LRCH3: variants seen among roughly 807,000 people sequenced by gnomAD.
LRCH3 encodes the protein leucine rich repeats and calponin homology domain containing 3.
LRCH3 carries 68 observed loss-of-function variants against 104.5 expected under a neutral mutation model. That is an observed-to-expected ratio of 0.65 (90% confidence interval 0.54 to 0.80). LRCH3 has a LOEUF of 0.80. Among genes scored for constraint, LRCH3 ranks in the 30% least tolerant of loss-of-function variants. The probability of loss-of-function intolerance (pLI) is 0.00; values close to 1 mark genes in which losing one functional copy is unlikely to be tolerated. For missense variants in LRCH3, 951 were observed against 953.9 expected (o/e 1.00, Z 0.04); for synonymous variants, 344 against 361.3 (o/e 0.95, Z 0.54).
At chr3:197,881,173 C>G in intron 20 of LRCH3, 1 of 1,008,618 alleles carries the variant, frequency 9.9e-7, no homozygotes, top group Non-Finnish European at 1.2e-6. Context: ...ACCGTCGTGC[C>G]TTTTCTGGTT....
At chr3:197,820,199 C>T in intron 3 of LRCH3, 126 bp from the exon 4 acceptor site, 1 of 679,586 alleles carries the variant, frequency 1.5e-6, no homozygotes, top group East Asian at 2.7e-5. Flanking sequence ...CTTTTCAGAA[C>T]CATTGAATTA....
chr3:197,861,808 A>G (rs948208990), intron 15 of LRCH3, among the ~76,000 whole-genome samples: 13 of 152,064 alleles, frequency 8.5e-5, no homozygotes, highest in African/African-American at 2.9e-4. Context: ...CAGTTTTCCA[A>G]GAGTTCCCAA....
At chr3:197,879,042 G>A (rs1374724420) in intron 20 of LRCH3, among the ~76,000 whole-genome samples, 1 of 152,134 alleles carries the variant, frequency 6.6e-6, no homozygotes, top group Non-Finnish European at 1.5e-5. Context: ...TGAAGAACAA[G>A]GCAGTTATTA....
At chr3:197,866,428 AAGC>A (rs1741491645) in intron 17 of LRCH3, among the ~76,000 whole-genome samples, 1 of 152,200 alleles carries the variant, frequency 6.6e-6, no homozygotes, top group Non-Finnish European at 1.5e-5. Context: ...TGCCACCTAA[AAGC>A]AGGTTATAGA....
intron 8 of LRCH3, among the ~76,000 whole-genome samples, chr3:197,835,251 T>C (rs567288644): frequency 5.3e-4 from 81 of 152,306 alleles, no homozygotes; most frequent in Middle Eastern, 3.4e-3. Context: ...TGGTACGGTC[T>C]TGGCTCACCG....
intron 20 of LRCH3, chr3:197,880,502 C>T (rs1713658415): frequency 6.5e-7 from 1 of 1,532,444 alleles, no homozygotes; most frequent in Non-Finnish European, 8.7e-7. Context: ...CCTGCTTACA[C>T]TTTGGACAGG....
At chr3:197,851,214 A>T (rs775193779) in intron 12 of LRCH3, among the ~76,000 whole-genome samples, 31 of 152,196 alleles carry the variant, frequency 2.0e-4, no homozygotes, top group Non-Finnish European at 3.7e-4. Flanking sequence ...TAACTTACTC[A>T]GTTTGCCTTC....
At chr3:197,880,443 C>T in intron 20 of LRCH3, 1 of 1,175,732 alleles carries the variant, frequency 8.5e-7, no homozygotes, top group East Asian at 2.5e-5. Context: ...GAATTCTATA[C>T]TCAAATCTGC....
chr3:197,847,817 T>G, intron 11 of LRCH3, 55 bp from the exon 12 acceptor site: 1 of 1,583,510 alleles, frequency 6.3e-7, no homozygotes, highest in South Asian at 1.1e-5. Context: ...TAGGGAATAT[T>G]GGTAACGTGA....
intron 14 of LRCH3, among the ~76,000 whole-genome samples, chr3:197,855,647 T>G (rs1740148901): frequency 7.0e-6 from 1 of 143,260 alleles, no homozygotes; most frequent in African/African-American, 3.0e-5. Context: ...TAATAACACA[T>G]GGAATAAGTG....
At chr3:197,843,460 A>T (rs1416726781) in intron 10 of LRCH3, among the ~76,000 whole-genome samples, 1 of 152,176 alleles carries the variant, frequency 6.6e-6, no homozygotes, top group East Asian at 1.9e-4. Flanking sequence ...AGGCAGGTGG[A>T]TCCCCTAAGG....
intron 20 of LRCH3, among the ~76,000 whole-genome samples, chr3:197,878,947 C>T (rs1426179937): frequency 6.6e-6 from 1 of 151,942 alleles, no homozygotes; most frequent in African/African-American, 2.4e-5. Context: ...GATTCTATAC[C>T]CAGGTAAGAT....
intron 20 of LRCH3, among the ~76,000 whole-genome samples, chr3:197,880,034 C>A (rs1056840979): frequency 2.6e-5 from 4 of 151,064 alleles, no homozygotes; most frequent in Admixed American, 2.6e-4. Context: ...CAAGCTCCGC[C>A]TCCCGGGTTC....
chr3:197,866,269 C>T (rs367569558), intron 17 of LRCH3, 50 bp downstream of exon 17: 24 of 1,281,436 alleles, frequency 1.9e-5, no homozygotes, highest in Middle Eastern at 1.8e-4. Flanking sequence ...GTTTACACAA[C>T]GACGCTAGCT....
At chr3:197,813,049 AAT>A (rs1340165032) in intron 1 of LRCH3, among the ~76,000 whole-genome samples, 1 of 152,160 alleles carries the variant, frequency 6.6e-6, no homozygotes, top group Non-Finnish European at 1.5e-5. Context: ...CTTTTTTAAT[AAT>A]AGTTATCTGA....
intron 12 of LRCH3, 72 bp from the exon 13 acceptor site, chr3:197,852,489 A>G: frequency 7.4e-7 from 1 of 1,348,644 alleles, no homozygotes; most frequent in Non-Finnish European, 1.0e-6. Flanking sequence ...ATTTTAGTAA[A>G]TAGAATTTGT....
intron 19 of LRCH3, among the ~76,000 whole-genome samples, chr3:197,872,517 G>A (rs1365734102): frequency 1.3e-5 from 2 of 152,094 alleles, no homozygotes; most frequent in Non-Finnish European, 2.9e-5. Flanking sequence ...GATCCTATGA[G>A]CCCAGGAGTT....
In LRCH3 at chr3:197,847,421, G is replaced by C. The variant is rs1391098645; in HGVS notation, c.1341G>C (p.Glu447Asp). Residue 447 changes from glutamate (E) to aspartate (D), a missense_variant, in exon 11 of 21, where the codon GAG becomes GAC. By Grantham distance (45) the Glu-to-Asp change is conservative (BLOSUM62 2). Transcript: ENST00000425562. ...TTTTTTGGGTCAGGGTTCCAGCTGA[G>C]CCATCTTCCCTCCTGTCACTATCAG... ...RYLHQNRVPA[E>D]PSSLLSLSAS... 1 of 1,597,594 alleles carries C rather than the reference G, an allele frequency of 6.3e-7. No homozygotes were observed. Among genetic ancestry groups the C allele is most frequent in the South Asian group, 1.1e-5 (1 of 87,552 alleles).
chr3:197,865,803 G>A (rs1481596304), intron 16 of LRCH3, among the ~76,000 whole-genome samples: 1 of 149,898 alleles, frequency 6.7e-6, no homozygotes, highest in Non-Finnish European at 1.5e-5. Context: ...AATTAAATTG[G>A]TTGCTCAGCT....
Sources: allele counts gnomAD v4.1 joint callset (sites outside exome capture counted in the v4.1 genomes callset), GRCh38; gene constraint gnomAD v4.1.1; transcripts MANE v1.5; gene names NCBI Gene and HGNC (gene_info 2026-07-23, HGNC 2026-07-21).